DAAM1: variants seen among roughly 807,000 people sequenced by gnomAD.
DAAM1 encodes disheveled-associated activator of morphogenesis 1.
DAAM1 carries 52 observed loss-of-function variants against 130.0 expected under a neutral mutation model. The observed-to-expected ratio is 0.40, with a 90% confidence interval of 0.32 to 0.50. The LOEUF (loss-of-function observed/expected upper bound fraction) is 0.50, where lower values mean the gene tolerates loss of function less well. DAAM1 is among the 20% of genes least tolerant of loss of function. The pLI, the probability that DAAM1 is intolerant of heterozygous loss-of-function variation, is 0.61. For synonymous variants in DAAM1, 452 were observed against 444.5 expected, an observed-to-expected ratio of 1.02 and a Z score of -0.21; for missense variants, 1,134 against 1,303.8, an observed-to-expected ratio of 0.87 and a Z score of 2.01.
Position 59,353,172 on chromosome 14 carries a change from CCT to C in DAAM1, c.2267+541_2267+542del, listed in dbSNP as rs560056966. On this transcript the variant is annotated intron_variant, in intron 18 of 24. Coordinates refer to ENST00000360909, the MANE Select transcript of DAAM1 (RefSeq NM_001270520.2). ...CTCTCTGAACCCTTCTCCAGAAAGC[CCT>C]GAGGCAGCCACAGCTTCGTAATTGG... Among the ~76,000 whole-genome samples, 665 of 152,244 alleles carry C rather than the reference CCT, an allele frequency of 4.4e-3. 1 individual carries two copies. The highest frequency in any genetic ancestry group is 0.015 in the African/African-American group (627 of 41,532).
intron 3 of DAAM1, among the ~76,000 whole-genome samples, chr14:59,293,546 G>A (rs1883836230): frequency 6.6e-6 from 1 of 152,138 alleles, no homozygotes. Context: ...AGACCTTTGA[G>A]AATGCACTTC....
intron 3 of DAAM1, among the ~76,000 whole-genome samples, chr14:59,298,801 TG>T (rs1418616615): frequency 2.0e-5 from 3 of 152,236 alleles, no homozygotes; most frequent in Non-Finnish European, 4.4e-5. Flanking sequence ...GTATTATTTT[TG>T]TTTTCCTGTC....
chr14:59,199,735 A>G (rs1383394158), intron 1 of DAAM1, among the ~76,000 whole-genome samples: 2 of 152,204 alleles, frequency 1.3e-5, no homozygotes, highest in African/African-American at 2.4e-5. Flanking sequence ...AGGGTTTCCC[A>G]ACATCAGCAC....
At chr14:59,268,828 A>G (rs554631424) in intron 2 of DAAM1, among the ~76,000 whole-genome samples, 1 of 152,334 alleles carries the variant, frequency 6.6e-6, no homozygotes, top group South Asian at 2.1e-4. Context: ...AAATAAAGAA[A>G]TATAACCAAT....
intron 1 of DAAM1, among the ~76,000 whole-genome samples, chr14:59,203,580 G>A (rs1351191168): frequency 6.6e-6 from 1 of 152,162 alleles, no homozygotes; most frequent in Non-Finnish European, 1.5e-5. Context: ...ACAAAGGATA[G>A]ATGTGGTAAT....
intron 1 of DAAM1, among the ~76,000 whole-genome samples, chr14:59,202,926 C>T (rs1308943999): frequency 6.6e-6 from 1 of 151,832 alleles, no homozygotes; most frequent in Non-Finnish European, 1.5e-5. Context: ...CTTTCTACTA[C>T]TAGGGAAATG....
At chr14:59,204,576 T>C (rs1888204664) in intron 1 of DAAM1, among the ~76,000 whole-genome samples, 1 of 152,232 alleles carries the variant, frequency 6.6e-6, no homozygotes. Flanking sequence ...TGGTATCTCA[T>C]CATAGTGACT....
At chr14:59,334,537 T>C (rs1885552732) in intron 15 of DAAM1, among the ~76,000 whole-genome samples, 1 of 152,162 alleles carries the variant, frequency 6.6e-6, no homozygotes, top group Admixed American at 6.5e-5. Context: ...CAAAGGAACA[T>C]TACAAAGGTA....
At chr14:59,336,328 GA>G (rs988904357) in intron 15 of DAAM1, among the ~76,000 whole-genome samples, 1 of 152,176 alleles carries the variant, frequency 6.6e-6, no homozygotes, top group African/African-American at 2.4e-5. Context: ...CTTTATGCCA[GA>G]AATTGCCTGG....
intron 16 of DAAM1, among the ~76,000 whole-genome samples, chr14:59,345,765 A>G (rs906364675): frequency 6.6e-6 from 1 of 152,138 alleles, no homozygotes; most frequent in Non-Finnish European, 1.5e-5. Context: ...TCAGCATATC[A>G]TCTGGTTCTC....
In DAAM1 at chr14:59,315,076, G is replaced by T. The variant is rs10137377; in HGVS notation, c.274-204G>T. On this transcript the variant is annotated intron_variant, in intron 3 of 24. Coordinates refer to ENST00000360909, the MANE Select transcript of DAAM1 (RefSeq NM_001270520.2). ...CCTAACTCACACTTCAGCATTCTCT[G>T]TGGAAATTGAGCTGGGAAGACCACC... Among the ~76,000 whole-genome samples, 1,346 of 152,252 alleles carry T rather than the reference G, an allele frequency of 8.8e-3. 26 individuals carry two copies. Among genetic ancestry groups the T allele is most frequent in the African/African-American group, 0.031 (1,295 of 41,558 alleles).
intron 15 of DAAM1, among the ~76,000 whole-genome samples, chr14:59,335,869 A>G (rs1299532238): frequency 6.6e-6 from 1 of 152,162 alleles, no homozygotes; most frequent in Non-Finnish European, 1.5e-5. Context: ...TAAATTATCA[A>G]AGAATTTTCC....
intron 1 of DAAM1, among the ~76,000 whole-genome samples, chr14:59,198,988 T>C (rs984506637): frequency 2.0e-5 from 3 of 152,230 alleles, no homozygotes; most frequent in East Asian, 1.9e-4. Flanking sequence ...ACCTCACTTA[T>C]GTGGCACTGT....
intron 2 of DAAM1, among the ~76,000 whole-genome samples, chr14:59,285,263 G>A (rs1187883716): frequency 2.0e-5 from 3 of 152,258 alleles, no homozygotes; most frequent in South Asian, 4.1e-4. Flanking sequence ...CAAATGCTAA[G>A]GGAACTTGTT....
At chr14:59,207,358 A>C (rs974518311) in intron 1 of DAAM1, among the ~76,000 whole-genome samples, 3 of 152,244 alleles carry the variant, frequency 2.0e-5, no homozygotes, top group Non-Finnish European at 4.4e-5. Context: ...TTCTGCCTCT[A>C]CAGAGCTGTG....
chr14:59,258,145 G>A (rs1001160562), intron 1 of DAAM1, among the ~76,000 whole-genome samples: 7 of 152,228 alleles, frequency 4.6e-5, no homozygotes, highest in African/African-American at 1.7e-4. Context: ...GCCCAGCACA[G>A]TGTTTGGAAT....
At chr14:59,230,072 C>T (rs1021323379) in intron 1 of DAAM1, among the ~76,000 whole-genome samples, 2 of 152,216 alleles carry the variant, frequency 1.3e-5, no homozygotes, top group African/African-American at 4.8e-5. Context: ...AATTGAATTT[C>T]AGCTGTGATG....
At chr14:59,268,640 C>G (rs1882569822) in intron 2 of DAAM1, among the ~76,000 whole-genome samples, 1 of 152,184 alleles carries the variant, frequency 6.6e-6, no homozygotes, top group African/African-American at 2.4e-5. Context: ...TCCCTGCTAA[C>G]AATTTTTAAG....
chr14:59,350,766 C>G (rs1886261411), intron 17 of DAAM1, among the ~76,000 whole-genome samples: 1 of 152,138 alleles, frequency 6.6e-6, no homozygotes, highest in African/African-American at 2.4e-5. Context: ...GCCACGCAGG[C>G]CTCTCTGGCT....
Sources: gnomAD v4.1 joint callset for allele counts (sites outside exome capture counted in the v4.1 genomes callset) on GRCh38, gnomAD v4.1.1 for gene constraint, MANE v1.5 for transcripts, NCBI Gene and HGNC (gene_info 2026-07-23, HGNC 2026-07-21) for gene names.